DGLUCY: variants seen among roughly 807,000 people sequenced by gnomAD.
The protein encoded by DGLUCY is D-glutamate cyclase, mitochondrial.
A neutral mutation model predicts 58.5 loss-of-function variants in DGLUCY; 58 were observed. The observed-to-expected ratio is 0.99, with a 90% CI of 0.80 to 1.23. The LOEUF is 1.23. Among genes scored for constraint, DGLUCY ranks in the 50% most tolerant of loss-of-function variants. The pLI, the probability that DGLUCY is intolerant of heterozygous loss-of-function variation, is 0.00. For missense variants in DGLUCY, 779 were observed against 784.7 expected (o/e 0.99, Z 0.09); for synonymous variants, 325 against 314.1 (o/e 1.03, Z -0.37).
intron 1 of DGLUCY, among the ~76,000 whole-genome samples, chr14:91,068,884 G>A (rs1245794391): frequency 6.6e-6 from 1 of 152,202 alleles, no homozygotes; most frequent in Non-Finnish European, 1.5e-5. Flanking sequence ...GAAATGCTAA[G>A]AGTCAATGTA....
chr14:91,083,482 A>T lies in DGLUCY; in HGVS notation c.-82+22778A>T, dbSNP rs140681800. On this transcript the variant is annotated intron_variant, in intron 1 of 4. Coordinates refer to the DGLUCY transcript ENST00000521334. ...GTTTGCAGTGAGCTGAGATCGTGCC[A>T]CTCCACTCCAAGCCTGGGTGACAGA... 8.9e-5 allele frequency among the ~76,000 whole-genome samples: 13 copies of T among 146,420 alleles called. No homozygotes were observed. In the East Asian group the frequency reaches 2.2e-3, roughly 25 times the overall value.
intron 12 of DGLUCY, among the ~76,000 whole-genome samples, chr14:91,210,105 A>T (rs916081579): frequency 6.7e-6 from 1 of 150,082 alleles, no homozygotes; most frequent in African/African-American, 2.5e-5. Flanking sequence ...ACATGGTGAA[A>T]CCCCATCTCT....
upstream of DGLUCY, among the ~76,000 whole-genome samples, chr14:91,109,381 G>A (rs2044654587): frequency 1.3e-5 from 2 of 152,146 alleles, no homozygotes; most frequent in South Asian, 4.1e-4. Context: ...TTCAAGAAAG[G>A]TAGTGAGGGC....
chr14:91,068,444 G>A (rs2043863935), intron 1 of DGLUCY, among the ~76,000 whole-genome samples: 1 of 152,214 alleles, frequency 6.6e-6, no homozygotes, highest in Non-Finnish European at 1.5e-5. Flanking sequence ...TGAGGAGGGT[G>A]GATCACCTGA....
intron 11 of DGLUCY, among the ~76,000 whole-genome samples, chr14:91,202,724 C>G (rs367971679): frequency 1.3e-5 from 2 of 152,154 alleles, no homozygotes; most frequent in African/African-American, 4.8e-5. Context: ...AGAGCAATCC[C>G]GTCCTCCCAC....
intron 12 of DGLUCY, among the ~76,000 whole-genome samples, chr14:91,206,001 GGA>G (rs1884633934): frequency 6.6e-6 from 1 of 151,160 alleles, no homozygotes; most frequent in Non-Finnish European, 1.5e-5. Flanking sequence ...CACCACACCT[GGA>G]TAATTTTTGT....
chr14:91,195,068 G>A (rs1457572489), intron 9 of DGLUCY, among the ~76,000 whole-genome samples: 1 of 152,140 alleles, frequency 6.6e-6, no homozygotes. Flanking sequence ...GGGTGTGAGG[G>A]GCTGATGATG....
intron 1 of DGLUCY, among the ~76,000 whole-genome samples, chr14:91,090,226 G>A (rs978103131): frequency 1.3e-5 from 2 of 151,974 alleles, no homozygotes; most frequent in African/African-American, 2.4e-5. Context: ...GGTTCTTATG[G>A]GGGAACCCCC....
Position 91,156,325 on chromosome 14 carries a change from G to A in DGLUCY, c.-81-1314G>A, listed in dbSNP as rs1409775236. On this transcript the variant is annotated intron_variant, in intron 1 of 13. Coordinates refer to ENST00000256324, the MANE Select transcript of DGLUCY (RefSeq NM_001102368.3). The stretch of plus-strand genomic sequence containing the variant: ...GATAGGGTTTTGTCATGTTGCCTAG[G>A]CTGGTCTCAAACTGCTGGGGTCCAG... 2.6e-5 allele frequency among the ~76,000 whole-genome samples: 4 copies of A among 152,112 alleles called. No individual in the cohort carries two copies. In the East Asian group the frequency reaches 7.7e-4, roughly 29 times the overall value.
intron 8 of DGLUCY, among the ~76,000 whole-genome samples, chr14:91,181,590 A>T (rs1410818020): frequency 1.3e-5 from 2 of 152,028 alleles, no homozygotes; most frequent in Non-Finnish European, 2.9e-5. Context: ...GTCTCTAGGT[A>T]GTGGTATTGT....
At chr14:91,180,905 A>G (rs1451728660) in intron 7 of DGLUCY, among the ~76,000 whole-genome samples, 2 of 152,244 alleles carry the variant, frequency 1.3e-5, no homozygotes, top group Non-Finnish European at 2.9e-5. Context: ...AATTGATGGA[A>G]TCGCCTAGAG....
At chr14:91,198,807 G>C (rs2050376047) in intron 10 of DGLUCY, among the ~76,000 whole-genome samples, 1 of 152,034 alleles carries the variant, frequency 6.6e-6, no homozygotes, top group Admixed American at 6.6e-5. Context: ...CACTGTGTGA[G>C]GTACACAGTG....
intron 1 of DGLUCY, among the ~76,000 whole-genome samples, chr14:91,123,341 A>G: frequency 6.6e-6 from 1 of 152,206 alleles, no homozygotes; most frequent in East Asian, 1.9e-4. Context: ...GCCACTTGAT[A>G]TTAGCGCACA....
intron 12 of DGLUCY, among the ~76,000 whole-genome samples, chr14:91,209,920 TCAGAA>T (rs1260903322): frequency 6.6e-6 from 1 of 152,080 alleles, no homozygotes; most frequent in Non-Finnish European, 1.5e-5. Flanking sequence ...ATAGCAGACT[TCAGAA>T]CAGGGAAAGT....
chr14:91,147,440 C>T (rs758232193), intron 1 of DGLUCY, among the ~76,000 whole-genome samples: 1 of 152,154 alleles, frequency 6.6e-6, no homozygotes, highest in Non-Finnish European at 1.5e-5. Flanking sequence ...AGGGCCCAGC[C>T]TCAACTATTT....
chr14:91,111,716 A>G (rs1258821571), upstream of DGLUCY, among the ~76,000 whole-genome samples: 1 of 152,252 alleles, frequency 6.6e-6, no homozygotes, highest in Non-Finnish European at 1.5e-5. Flanking sequence ...TTGGGGCCTC[A>G]ATGCCATCAT....
rs1040157628 is a variant in DGLUCY, at chr14:91,224,672, A to AT, written c.1717-5dup. On this transcript the variant is annotated splice_polypyrimidine_tract_variant and intron_variant, in intron 13 of 13. Transcript: ENST00000256324. ...CCTCCACTCCTTCTATTTCTGCCCT[A>AT]TTTTTTTCCAGGAAGAAAAAATGCT... 2.5e-6 allele frequency: 4 copies of AT among 1,585,106 alleles called. No individual in the cohort carries two copies. Among genetic ancestry groups the AT allele is most frequent in the Middle Eastern group, 1.7e-4 (1 of 5,962 alleles).
intron 8 of DGLUCY, among the ~76,000 whole-genome samples, chr14:91,185,270 G>GCT (rs2049435056): frequency 1.2e-5 from 1 of 80,664 alleles, no homozygotes; most frequent in African/African-American, 5.1e-5. Flanking sequence ...TGCCCAGCCG[G>GCT]ATTTTTTTTT....
intron 13 of DGLUCY, among the ~76,000 whole-genome samples, chr14:91,224,448 CCAA>C (rs1373158030): frequency 2.6e-5 from 4 of 152,168 alleles, no homozygotes; most frequent in Admixed American, 1.3e-4. Flanking sequence ...AAGAAGCAGC[CCAA>C]ACTATTCCCG....
Sources: gnomAD v4.1 joint callset for allele counts (sites outside exome capture counted in the v4.1 genomes callset) on GRCh38, gnomAD v4.1.1 for gene constraint, MANE v1.5 for transcripts, NCBI Gene and HGNC (gene_info 2026-07-23, HGNC 2026-07-21) for gene names.